The following RHBDD1 variants were observed in gnomAD, a reference collection of about 807,000 sequenced individuals.
RHBDD1 encodes the protein rhomboid-related protein 4.
RHBDD1 carries 38 observed loss-of-function variants against 36.3 expected under a neutral mutation model. That is an observed-to-expected ratio of 1.05 (90% CI 0.81 to 1.37). The LOEUF (loss-of-function observed/expected upper bound fraction) is 1.37. Ranked by LOEUF, RHBDD1 falls within the 40% of genes most tolerant of loss-of-function variation. The probability of loss-of-function intolerance (pLI) is 0.00; values close to 1 mark genes in which losing one functional copy is unlikely to be tolerated. For missense variants in RHBDD1, 393 were observed against 377.6 expected, an observed-to-expected ratio of 1.04 and a Z score of -0.34; for synonymous variants, 151 against 136.5, an observed-to-expected ratio of 1.11 and a Z score of -0.74.
At chr2:226,906,179 C>G (rs1948038178) in intron 5 of RHBDD1, among the ~76,000 whole-genome samples, 1 of 152,214 alleles carries the variant, frequency 6.6e-6, no homozygotes, top group Non-Finnish European at 1.5e-5. Flanking sequence ...TGCCCTAACG[C>G]AAACACTTTC....
At chr2:226,817,537 T>A in the RHBDD1 span, among the ~76,000 whole-genome samples, 1 of 152,202 alleles carries the variant, frequency 6.6e-6, no homozygotes, top group East Asian at 1.9e-4. Context: ...ACATTTGTCA[T>A]TATGAAGTAT....
At chr2:226,836,883 C>T (rs1941033855) in intron 1 of RHBDD1, among the ~76,000 whole-genome samples, 1 of 152,124 alleles carries the variant, frequency 6.6e-6, no homozygotes, top group South Asian at 2.1e-4. Flanking sequence ...GCAGGCCTGC[C>T]GTCGCTGTGG....
rs116499106 is a variant in RHBDD1 at position 226,971,511 on chromosome 2, A to G, written c.857-23920A>G. The stretch of plus-strand genomic sequence containing the variant: ...TGTTACAGCTAAGGCATGAGAAAGA[A>G]TAGACTACCAGCTTATTTGACTTTT... On this transcript the variant is annotated intron_variant, in intron 8 of 8. Coordinates refer to ENST00000392062, the MANE Select transcript of RHBDD1 (RefSeq NM_001167608.3). 6.3e-3 allele frequency among the ~76,000 whole-genome samples: 964 copies of G among 152,348 alleles called. 17 individuals carry two copies. Among genetic ancestry groups the G allele is most frequent in the African/African-American group, 0.022 (926 of 41,586 alleles).
At chr2:226,819,766 C>T in the RHBDD1 span, among the ~76,000 whole-genome samples, 2 of 152,132 alleles carry the variant, frequency 1.3e-5, no homozygotes, top group Non-Finnish European at 2.9e-5. Context: ...AAATATTTCA[C>T]ATTATTGCTC....
At chr2:226,915,824 TATCACTGTGTTAAGA>T (rs1474733425) in intron 8 of RHBDD1, among the ~76,000 whole-genome samples, 1 of 152,234 alleles carries the variant, frequency 6.6e-6, no homozygotes, top group Non-Finnish European at 1.5e-5. Flanking sequence ...ATCAGTAATC[TATCACTGTGTTAAGA>T]ATCACCCTGA....
the RHBDD1 span, among the ~76,000 whole-genome samples, chr2:226,826,218 A>C: frequency 3.3e-5 from 5 of 152,220 alleles, no homozygotes; most frequent in Non-Finnish European, 7.3e-5. Context: ...TATTTATGTG[A>C]GATTAGAAAT....
At chr2:226,955,337 T>G (rs1314182037) in intron 8 of RHBDD1, among the ~76,000 whole-genome samples, 1 of 152,238 alleles carries the variant, frequency 6.6e-6, no homozygotes, top group Admixed American at 6.5e-5. Flanking sequence ...TGCGGTGTTT[T>G]GCATTAAAGC....
At chr2:226,831,706 T>C (rs532754845), upstream of RHBDD1, among the ~76,000 whole-genome samples, 4 of 130,652 alleles carry the variant, frequency 3.1e-5, no homozygotes, top group Admixed American at 2.9e-4. Context: ...TTTATAATAC[T>C]TTTTTTTTTT....
At chr2:226,977,312 A>G (rs4673175) in intron 8 of RHBDD1, among the ~76,000 whole-genome samples, 151,706 of 152,262 alleles carry the variant, frequency 1, 75,589 homozygotes, top group Middle Eastern at 1. Flanking sequence ...CTGTAAACAC[A>G]AATATGAAGT....
At chr2:226,979,790 C>T (rs1171773396) in intron 8 of RHBDD1, among the ~76,000 whole-genome samples, 1 of 152,208 alleles carries the variant, frequency 6.6e-6, no homozygotes, top group Non-Finnish European at 1.5e-5. Flanking sequence ...GCTTCACCAG[C>T]CATCTAGTCA....
chr2:226,943,093 T>A (rs1308790738), intron 8 of RHBDD1, among the ~76,000 whole-genome samples: 1 of 152,186 alleles, frequency 6.6e-6, no homozygotes, highest in African/African-American at 2.4e-5. Flanking sequence ...ACAAACAGCC[T>A]CAAGGTGGTC....
the RHBDD1 span, among the ~76,000 whole-genome samples, chr2:226,814,469 T>G: frequency 6.6e-6 from 1 of 152,242 alleles, no homozygotes; most frequent in Admixed American, 6.5e-5. Flanking sequence ...TGAGGAGCCT[T>G]TGGTATGATC....
intron 8 of RHBDD1, among the ~76,000 whole-genome samples, chr2:226,937,081 C>T (rs1476481256): frequency 6.6e-6 from 1 of 152,054 alleles, no homozygotes; most frequent in Non-Finnish European, 1.5e-5. Context: ...TAATTTTTAG[C>T]CTCAGAAGTT....
intron 5 of RHBDD1, among the ~76,000 whole-genome samples, chr2:226,896,038 TTGTG>T (rs1947070884): frequency 6.6e-6 from 1 of 152,264 alleles, no homozygotes; most frequent in Non-Finnish European, 1.5e-5. Context: ...TTATGTATAT[TTGTG>T]TGTCTGCATA....
At position 226,913,559 on chromosome 2, in the gene RHBDD1, G is replaced by A. The variant is rs573504400; in HGVS notation, c.713-649G>A. On this transcript the variant is annotated intron_variant, in intron 7 of 8. Transcript: ENST00000392062. ...CTTTATTAATGGTGTACCTAAGTTT[G>A]GTACCTAAAGCATTATTTAATGACT... Among the ~76,000 whole-genome samples the A allele has an allele frequency of 8.5e-5, 13 of 152,190 alleles. No homozygotes were observed. The East Asian group carries it at 2.5e-3, about 29-fold the overall frequency.
intron 8 of RHBDD1, among the ~76,000 whole-genome samples, chr2:226,988,955 G>A (rs939727350): frequency 6.6e-6 from 1 of 152,218 alleles, no homozygotes; most frequent in African/African-American, 2.4e-5. Context: ...GGCAGAAGAT[G>A]CATTGTTTCT....
Position 226,986,878 on chromosome 2 carries a change from G to C in RHBDD1, c.857-8553G>C, listed in dbSNP as rs115616411. Among the ~76,000 whole-genome samples, 24 of 152,306 alleles carry C rather than the reference G, an allele frequency of 1.6e-4. No homozygotes were observed. The East Asian group carries it at 4.6e-3, about 29-fold the overall frequency. ...CATTCTGCTATAAAGACACATGCACGTGTGTGCTTATTGTAGCACTATTCA... is the reference window on the plus strand; with the variant it reads ...CATTCTGCTATAAAGACACATGCACCTGTGTGCTTATTGTAGCACTATTCA... On this transcript the variant is annotated intron_variant, in intron 8 of 8. Transcript: ENST00000392062.
At chr2:226,958,610 A>C (rs1951950791) in intron 8 of RHBDD1, among the ~76,000 whole-genome samples, 1 of 152,100 alleles carries the variant, frequency 6.6e-6, no homozygotes, top group African/African-American at 2.4e-5. Context: ...TTCTTAAAGT[A>C]GGTATATCAT....
At chr2:226,922,794 G>T (rs932848346) in intron 8 of RHBDD1, among the ~76,000 whole-genome samples, 2 of 151,744 alleles carry the variant, frequency 1.3e-5, no homozygotes, top group African/African-American at 4.8e-5. Flanking sequence ...TATATTTTTT[G>T]ATTTCTGATT....
Sources: gnomAD v4.1 joint callset for allele counts (sites outside exome capture counted in the v4.1 genomes callset) on GRCh38, gnomAD v4.1.1 for gene constraint, MANE v1.5 for transcripts, NCBI Gene and HGNC (gene_info 2026-07-23, HGNC 2026-07-21) for gene names.